ARHGAP22: variants seen among roughly 807,000 people sequenced by gnomAD.
The protein encoded by ARHGAP22 is Rho GTPase activating protein 22, also known as rho GTPase-activating protein 22.
A neutral mutation model predicts 59.1 loss-of-function variants in ARHGAP22; 48 were observed. The ratio of observed to expected loss-of-function variants is 0.81; its 90% CI spans 0.64 to 1.03. ARHGAP22 has a LOEUF of 1.03. Among genes scored for constraint, ARHGAP22 ranks in the 50% least tolerant of loss-of-function variants. The pLI is 0.00. For synonymous variants in ARHGAP22, 445 were observed against 416.4 expected (o/e 1.07, Z -0.84); for missense variants, 1,015 against 958.7 (o/e 1.06, Z -0.78).
Position 48,453,324 on chromosome 10 carries a change from T to C in ARHGAP22, c.968A>G (p.Asp323Gly), listed in dbSNP as rs550672574. ...CTTACCTTCCATGATGGTTACTGGG[T>C]CCTCTACCTGTGGCCGCAGAATGTT... is the stretch of plus-strand genomic sequence containing the variant. ...GPNILRPQVE[D>G]PVTIMEGTSL... Residue 323 changes from aspartate to glycine, a missense_variant, in exon 8 of 10, where the codon GAC becomes GGC. Coordinates refer to ENST00000249601, the MANE Select transcript of ARHGAP22 (RefSeq NM_021226.4). The C allele has an allele frequency of 7.4e-6, 12 of 1,613,906 alleles. No homozygotes were observed. In the East Asian group the frequency reaches 2.2e-4, roughly 30 times the overall value.
At chr10:48,580,594 T>G (rs2059050099) in intron 2 of ARHGAP22, among the ~76,000 whole-genome samples, 1 of 152,182 alleles carries the variant, frequency 6.6e-6, no homozygotes, top group African/African-American at 2.4e-5. Context: ...GGAGCAACTC[T>G]GGCAACTCCG....
intron 3 of ARHGAP22, among the ~76,000 whole-genome samples, chr10:48,517,520 T>A (rs1372814149): frequency 4.6e-5 from 7 of 152,154 alleles, no homozygotes; most frequent in Non-Finnish European, 1.5e-5. Context: ...CTTCTTCCTC[T>A]TCCCTTCGGG....
chr10:48,527,160 A>G (rs1349319818), intron 3 of ARHGAP22, among the ~76,000 whole-genome samples: 1 of 152,244 alleles, frequency 6.6e-6, no homozygotes, highest in African/African-American at 2.4e-5. Flanking sequence ...AGTAAGTGGC[A>G]GAGCCAAGAT....
Position 48,450,369 on chromosome 10 carries a change from C to T in ARHGAP22, c.1760G>A (p.Ser587Asn), listed in dbSNP as rs749982585. Residue 587 changes from serine (S) to asparagine (N), a missense_variant, in exon 9 of 10, where the codon AGC becomes AAC. Ser to Asn is a conservative substitution (Grantham distance 46). Coordinates refer to ENST00000249601, the MANE Select transcript of ARHGAP22 (RefSeq NM_021226.4). The stretch of plus-strand genomic sequence containing the variant: ...GCGGCGCGCGTGTTCCCGGGTGGGG[C>T]TGTCCGGCTCGCTGGGCTCGCTGTT... ...ASNSEPSEPD[S>N]PTREHARRSE... 1 of 1,583,176 alleles carries T rather than the reference C, an allele frequency of 6.3e-7. No homozygotes were observed. Among genetic ancestry groups the T allele is most frequent in the South Asian group, 1.1e-5 (1 of 87,104 alleles).
intron 3 of ARHGAP22, chr10:48,510,519 C>A (rs2052651407): frequency 6.6e-6 from 1 of 152,290 alleles, no homozygotes. Context: ...CGGCTATGCC[C>A]TCCAGCTGTC....
chr10:48,512,465 C>T (rs921007337), intron 3 of ARHGAP22, among the ~76,000 whole-genome samples: 2 of 152,218 alleles, frequency 1.3e-5, no homozygotes, highest in South Asian at 4.1e-4. Context: ...CAGGGCTTGA[C>T]GCATAATGTT....
At chr10:48,459,970 C>T in intron 4 of ARHGAP22, 79 bp from the exon 5 acceptor site, 1 of 1,412,940 alleles carries the variant, frequency 7.1e-7, no homozygotes, top group Admixed American at 2.0e-5. Context: ...AGGGCAGGCG[C>T]ACTGTTAGGG....
chr10:48,596,506 G>T (rs1202736743), intron 1 of ARHGAP22, among the ~76,000 whole-genome samples: 1 of 152,188 alleles, frequency 6.6e-6, no homozygotes, highest in African/African-American at 2.4e-5. Flanking sequence ...GAGCCTCACT[G>T]AGAGGTGGAG....
chr10:48,575,574 C>T (rs367623724), intron 2 of ARHGAP22: 1 of 152,212 alleles, frequency 6.6e-6, no homozygotes. Flanking sequence ...TTCTCCCCAC[C>T]AGTCTCAAGC....
At chr10:48,545,113 GCTTT>G (rs1362259507) in intron 3 of ARHGAP22, among the ~76,000 whole-genome samples, 1 of 152,146 alleles carries the variant, frequency 6.6e-6, no homozygotes, top group African/African-American at 2.4e-5. Context: ...AATTTCACTA[GCTTT>G]CTTTCCTTTT....
intron 1 of ARHGAP22, among the ~76,000 whole-genome samples, chr10:48,615,286 G>A (rs1245542287): frequency 1.3e-5 from 2 of 152,154 alleles, no homozygotes; most frequent in Non-Finnish European, 2.9e-5. Context: ...AAAAATATGG[G>A]AGCACCCCTT....
intron 1 of ARHGAP22, among the ~76,000 whole-genome samples, chr10:48,590,217 G>A (rs534423607): frequency 6.6e-6 from 1 of 152,022 alleles, no homozygotes; most frequent in East Asian, 2.0e-4. Flanking sequence ...AGGGGAGAGT[G>A]GTATGGAGGG....
chr10:48,604,147 C>CA (rs1383509338), intron 1 of ARHGAP22, among the ~76,000 whole-genome samples: 3 of 152,234 alleles, frequency 2.0e-5, no homozygotes, highest in Non-Finnish European at 1.5e-5. Context: ...GCTGGCTGGA[C>CA]ACAGGCTGGC....
chr10:48,547,825 G>A (rs2056578279), intron 3 of ARHGAP22, among the ~76,000 whole-genome samples: 2 of 152,150 alleles, frequency 1.3e-5, no homozygotes, highest in African/African-American at 4.8e-5. Context: ...CCCTTGTCTG[G>A]CACTTGGAAA....
chr10:48,474,451 G>A (rs1199478760), intron 4 of ARHGAP22, among the ~76,000 whole-genome samples: 1 of 152,112 alleles, frequency 6.6e-6, no homozygotes, highest in Non-Finnish European at 1.5e-5. Context: ...TAATTGACCT[G>A]GCTAGAACCT....
chr10:48,450,145 G>T, intron 9 of ARHGAP22, 116 bp downstream of exon 9: 3 of 1,401,606 alleles, frequency 2.1e-6, no homozygotes, highest in Non-Finnish European at 2.9e-6. Flanking sequence ...CCTCTCTGAG[G>T]CTGGCTTCCA....
intron 3 of ARHGAP22, among the ~76,000 whole-genome samples, chr10:48,481,165 C>T (rs1439050127): frequency 6.6e-6 from 1 of 152,242 alleles, no homozygotes; most frequent in Non-Finnish European, 1.5e-5. Flanking sequence ...GAGGCTGAGA[C>T]AGTGGAGCCC....
At chr10:48,475,952 C>T (rs74130286) in intron 4 of ARHGAP22, among the ~76,000 whole-genome samples, 1,689 of 152,336 alleles carry the variant, frequency 0.011, 37 homozygotes, top group African/African-American at 0.039. Context: ...GGATGGGCCC[C>T]CTACCTCTGC....
chr10:48,648,398 T>C (rs1452775849), intron 1 of ARHGAP22, among the ~76,000 whole-genome samples: 1 of 151,854 alleles, frequency 6.6e-6, no homozygotes, highest in Non-Finnish European at 1.5e-5. Context: ...TGGGACAGAG[T>C]TGTGAGCAGA....
Sources: allele counts gnomAD v4.1 joint callset (sites outside exome capture counted in the v4.1 genomes callset), GRCh38; gene constraint gnomAD v4.1.1; transcripts MANE v1.5; gene names NCBI Gene and HGNC (gene_info 2026-07-23, HGNC 2026-07-21).